ZNF426: variants seen among roughly 807,000 people sequenced by gnomAD.
ZNF426 encodes the protein zinc finger protein 426.
In ZNF426, 23 loss-of-function variants were observed where a neutral mutation model predicts 24.0. That is an observed-to-expected ratio of 0.96 (90% CI 0.69 to 1.36). ZNF426 has a LOEUF of 1.36. Ranked by LOEUF, ZNF426 falls within the 40% of genes most tolerant of loss-of-function variation. The pLI is 0.00. For synonymous variants in ZNF426, 272 were observed against 224.6 expected (o/e 1.21, Z -1.89); for missense variants, 646 against 658.4 (o/e 0.98, Z 0.21).
rs1298215386 is a variant in ZNF426, at chr19:9,527,881, C to T, written c.*499G>A. The stretch of plus-strand genomic sequence containing the variant: ...AGATGGCCATCATCTGATGACTTCA[C>T]ATCATCTTCTATTTGTTGTCTCAGT... On this transcript the variant is annotated 3_prime_UTR_variant, in exon 8 of 8. Transcript: ENST00000253115. 2 of 153,008 alleles carry T rather than the reference C, an allele frequency of 1.3e-5. No individual in the cohort carries two copies. The highest frequency in any genetic ancestry group is 2.9e-5 in the Non-Finnish European group (2 of 68,700). 9.5% of individuals were successfully genotyped at this position (153,008 alleles called of 1,614,324 possible).
chr19:9,535,271 G>A lies in ZNF426; in HGVS notation c.34C>T (p.Leu12Phe), dbSNP rs1568487243. 2.5e-6 allele frequency: 4 copies of A among 1,612,682 alleles called. 1 individual carries two copies. Among genetic ancestry groups the A allele is most frequent in the Admixed American group, 3.3e-5 (2 of 59,914 alleles). ...AAADLSHGHY[L>F]SGDPVCLHEE... ...TGAAGGCAAACTGGGTCCCCAGAAAGATAATGTCCTGTAAGAAAATGAAGG... is the reference window on the plus strand; with the variant it reads ...TGAAGGCAAACTGGGTCCCCAGAAAAATAATGTCCTGTAAGAAAATGAAGG... Residue 12 changes from leucine (L) to phenylalanine (F), a missense_variant, in exon 4 of 8, where the codon CTT (leucine) becomes TTT (phenylalanine). Physicochemically the swap from Leu to Phe is conservative, Grantham distance 22. Coordinates refer to ENST00000253115, the MANE Select transcript of ZNF426 (RefSeq NM_024106.3).
chr19:9,531,006 C>G lies in ZNF426; in HGVS notation c.387G>C (p.Gln129His), dbSNP rs888182289. Residue 129 changes from glutamine (Q) to histidine (H), a missense_variant, in exon 7 of 8, where the codon CAG (glutamine) becomes CAC (histidine). Physicochemically the swap from Gln to His is conservative, Grantham distance 24. Coordinates refer to ENST00000253115, the MANE Select transcript of ZNF426 (RefSeq NM_024106.3). ...SILQQDFLRG[Q>H]TSIGIQLEGK... ...TTACCAATTGTATCCCAATGGATGT[C>G]TGACCCCTCAAAAAGTCCTGCTGAA... is the stretch of plus-strand genomic sequence containing the variant. 7.4e-6 allele frequency: 12 copies of G among 1,613,696 alleles called. No individual in the cohort carries two copies. The highest frequency in any genetic ancestry group is 1.6e-4 in the Middle Eastern group (1 of 6,084).
At chr19:9,534,033 G>C (rs2073928171) in intron 4 of ZNF426, 67 bp from the exon 5 acceptor site, 1 of 1,578,048 alleles carries the variant, frequency 6.3e-7, no homozygotes, top group African/African-American at 1.4e-5. Flanking sequence ...TGGAGGATGA[G>C]GAAGGGGGAC....
chr19:9,535,506 G>A (rs117941157), intron 3 of ZNF426, among the ~76,000 whole-genome samples: 219 of 152,024 alleles, frequency 1.4e-3, no homozygotes, highest in African/African-American at 4.2e-3. Context: ...TGGGCAACAC[G>A]GTGAGACCCC....
chr19:9,534,036 A>AGG, intron 4 of ZNF426, 70 bp from the exon 5 acceptor site: 1 of 1,574,492 alleles, frequency 6.4e-7, no homozygotes, highest in Non-Finnish European at 8.6e-7. Flanking sequence ...AGGATGAGGA[A>AGG]GGGGGACCCA....
rs1390646663 is a variant in ZNF426 at position 9,529,571 on chromosome 19, G to A, written c.474C>T (p.His158=). The part of the protein sequence containing the change: ...CEQCGEVFSE[H]SCLKTHVRTQ... Reference sequence around the variant, plus strand: ...TTCTCACGTGCGTCTTAAGGCATGAGTGTTCACTGAAGACTTCTCCACATT... The same window carrying A: ...TTCTCACGTGCGTCTTAAGGCATGAATGTTCACTGAAGACTTCTCCACATT... Residue 158 remains histidine (H), a synonymous_variant, in exon 8 of 8, where the codon CAC becomes CAT. Coordinates refer to ENST00000253115, the MANE Select transcript of ZNF426 (RefSeq NM_024106.3). The A allele has an allele frequency of 1.2e-6, 2 of 1,608,748 alleles. No individual in the cohort carries two copies. Among genetic ancestry groups the A allele is most frequent in the African/African-American group, 2.7e-5 (2 of 75,042 alleles).
rs1278002826 is a variant in ZNF426 at position 9,523,599 on chromosome 19, CCTAA to C, written c.*4777_*4780del. ...GTGACATAATCTAAATCAGTGGTCC[CCTAA>C]CTTTTTGGCACCAGGGACCAGTTTC... On this transcript the variant is annotated 3_prime_UTR_variant, in exon 8 of 8. Transcript: ENST00000253115. The C allele has an allele frequency of 1.3e-5, 2 of 152,166 alleles. No homozygotes were observed. The highest frequency in any genetic ancestry group is 6.6e-5 in the Admixed American group (1 of 15,260). 9.4% of individuals were successfully genotyped at this position (152,166 alleles called of 1,614,324 possible). A position where few individuals can be genotyped will look rare whatever the true frequency, so the allele number is the denominator to read the frequency against.
rs1161122048 is a variant in ZNF426, at chr19:9,533,826, G to A, written c.244+14C>T. Reference sequence around the variant, plus strand: ...AGTTCCATAGAAGGCTGCAAGGGATGAGGCCAGTCTTACCTACTGTGGCCA... The same window carrying A: ...AGTTCCATAGAAGGCTGCAAGGGATAAGGCCAGTCTTACCTACTGTGGCCA... On this transcript the variant is annotated intron_variant, in intron 5 of 7. Coordinates refer to ENST00000253115, the MANE Select transcript of ZNF426 (RefSeq NM_024106.3). 40 of 1,613,766 alleles carry A rather than the reference G, an allele frequency of 2.5e-5. No individual in the cohort carries two copies. The Admixed American group carries it at 6.7e-4, about 27-fold the overall frequency.
At position 9,525,505 on chromosome 19, in the gene ZNF426, G is replaced by C. The variant is rs141571992; in HGVS notation, c.*2875C>G. The stretch of plus-strand genomic sequence containing the variant: ...TTGTTGTTGTTGTTGTTGTTGTTTT[G>C]AGACAGAGTCTCACTCTGTCACCCA... On this transcript the variant is annotated 3_prime_UTR_variant, in exon 8 of 8. Transcript: ENST00000253115. 4,203 of 152,064 alleles carry C rather than the reference G, an allele frequency of 0.028. 87 individuals carry two copies. Among genetic ancestry groups the C allele is most frequent in the Non-Finnish European group, 0.043 (2,922 of 68,370 alleles). The allele number at this position is 152,064 out of a possible 1,614,324, so 9.4% of individuals were successfully genotyped here.
rs7351067 is a variant in ZNF426, at chr19:9,528,593, G to C, written c.1452C>G (p.Ala484=). Residue 484 remains alanine (A), a synonymous_variant, in exon 8 of 8, where the codon GCC becomes GCG. Coordinates refer to ENST00000253115, the MANE Select transcript of ZNF426 (RefSeq NM_024106.3). ...KPYECKQCGK[A]FSHSSSFQIH... ...TTTGAAATGAACTGGAATGACTGAA[G>C]GCCTTTCCACATTGTTTACACTCAT... is the stretch of plus-strand genomic sequence containing the variant. 1 of 1,614,050 alleles carries C rather than the reference G, an allele frequency of 6.2e-7. No homozygotes were observed. The highest frequency in any genetic ancestry group is 8.5e-7 in the Non-Finnish European group (1 of 1,180,014).
Position 9,528,679 on chromosome 19 carries a change from C to A in ZNF426, c.1366G>T (p.Ala456Ser). ...TTAAGGTGGGTGGAATAGTTAAAAG[C>A]CTTCCCACATTCCTTACAGGTGTAT... Reference protein sequence around the residue: ...KPYTCKECGKAFNYSTHLKIH... With the variant: ...KPYTCKECGKSFNYSTHLKIH... Residue 456 changes from alanine to serine, a missense_variant, in exon 8 of 8, where the codon GCT becomes TCT. By Grantham distance (99) the Ala-to-Ser change is moderately conservative (BLOSUM62 1). Coordinates refer to ENST00000253115, the MANE Select transcript of ZNF426 (RefSeq NM_024106.3). 5 of 1,614,140 alleles carry A rather than the reference C, an allele frequency of 3.1e-6. No individual in the cohort carries two copies. The highest frequency in any genetic ancestry group is 4.2e-6 in the Non-Finnish European group (5 of 1,180,018).
chr19:9,525,065 C>G lies in ZNF426; in HGVS notation c.*3315G>C, dbSNP rs997079333. On this transcript the variant is annotated 3_prime_UTR_variant, in exon 8 of 8. Transcript: ENST00000253115. ...GAGATCGAGACCATCCTGGCTAACA[C>G]AGTGAAACCCCGTCTCTACTAAAAA... 10 of 151,006 alleles carry G rather than the reference C, an allele frequency of 6.6e-5. No homozygotes were observed. Among genetic ancestry groups the G allele is most frequent in the African/African-American group, 2.4e-4 (10 of 41,174 alleles). The allele number at this position is 151,006 out of a possible 1,614,324, so 9.4% of individuals were successfully genotyped here.
At chr19:9,537,125 G>C (rs2144780770) in intron 2 of ZNF426, among the ~76,000 whole-genome samples, 1 of 147,866 alleles carries the variant, frequency 6.8e-6, no homozygotes, top group East Asian at 1.9e-4. Flanking sequence ...GCAAGACTCT[G>C]TCTCAAAAAA....
At chr19:9,534,799 T>C (rs2073940370) in intron 4 of ZNF426, among the ~76,000 whole-genome samples, 1 of 151,918 alleles carries the variant, frequency 6.6e-6, no homozygotes, top group Non-Finnish European at 1.5e-5. Flanking sequence ...CTCACTATGT[T>C]GCTCAGGCTG....
At position 9,529,058 on chromosome 19, in the gene ZNF426, A is replaced by G; in HGVS notation, c.987T>C (p.Thr329=). Residue 329 remains threonine (T), a synonymous_variant, in exon 8 of 8, where the codon ACT becomes ACC. Transcript: ENST00000253115. The part of the protein sequence containing the change: ...YSNSFQIHGR[T]HTGEKPYVCK... The stretch of plus-strand genomic sequence containing the variant: ...ATACATAGGGTTTCTCTCCAGTGTG[A>G]GTTCTTCCATGTATCTGAAATGAGT... 6.2e-7 allele frequency: 1 copy of G among 1,613,506 alleles called. No individual in the cohort carries two copies. Among genetic ancestry groups the G allele is most frequent in the Non-Finnish European group, 8.5e-7 (1 of 1,179,738 alleles).
rs571543755 is a variant in ZNF426 at position 9,524,743 on chromosome 19, T to C, written c.*3637A>G. On this transcript the variant is annotated 3_prime_UTR_variant, in exon 8 of 8. Coordinates refer to ENST00000253115, the MANE Select transcript of ZNF426 (RefSeq NM_024106.3). ...TTGTAGTGAGCCAAGATTGAGCCAT[T>C]GCACTCCAGCCTGGGCAACAAGAGC... 1.5e-5 allele frequency: 2 copies of C among 129,760 alleles called. No individual in the cohort carries two copies. The highest frequency in any genetic ancestry group is 3.1e-5 in the Non-Finnish European group (2 of 64,544). 8.0% of individuals were successfully genotyped at this position (129,760 alleles called of 1,614,324 possible).
At chr19:9,535,656 T>C (rs1319328819) in intron 3 of ZNF426, among the ~76,000 whole-genome samples, 1 of 149,366 alleles carries the variant, frequency 6.7e-6, no homozygotes, top group East Asian at 1.9e-4. Flanking sequence ...GAACATAAAC[T>C]CCCCATCTCT....
Position 9,527,718 on chromosome 19 carries a change from C to A in ZNF426, c.*662G>T, listed in dbSNP as rs2073811221. The A allele has an allele frequency of 2.6e-5, 4 of 152,174 alleles. No individual in the cohort carries two copies. Among genetic ancestry groups the A allele is most frequent in the Admixed American group, 2.0e-4 (3 of 15,264 alleles). The allele number at this position is 152,174 out of a possible 1,614,324, so 9.4% of individuals were successfully genotyped here. ...CTGTATTCACTTGCTAGAGCCACCA[C>A]AACAAAATACCACAGACTGGGTGGC... On this transcript the variant is annotated 3_prime_UTR_variant, in exon 8 of 8. Transcript: ENST00000253115.
rs1157733292 is a variant in ZNF426 at position 9,538,275 on chromosome 19, C to T, written c.-141G>A. ...AGTGCTCACCGGAACACTCAGAAATCGCCAGGTCCCTGAACCGGGAAGATC... is the reference window on the plus strand; with the variant it reads ...AGTGCTCACCGGAACACTCAGAAATTGCCAGGTCCCTGAACCGGGAAGATC... On this transcript the variant is annotated 5_prime_UTR_variant, in exon 2 of 8. Coordinates refer to ENST00000253115, the MANE Select transcript of ZNF426 (RefSeq NM_024106.3). 6.6e-6 allele frequency: 1 copy of T among 152,190 alleles called. No homozygotes were observed. The highest frequency in any genetic ancestry group is 1.9e-4 in the East Asian group (1 of 5,188). The allele number at this position is 152,190 out of a possible 1,614,324, so 9.4% of individuals were successfully genotyped here. A position where few individuals can be genotyped will look rare whatever the true frequency, so the allele number is the denominator to read the frequency against.
Sources: allele counts gnomAD v4.1 joint callset (sites outside exome capture counted in the v4.1 genomes callset), GRCh38; gene constraint gnomAD v4.1.1; transcripts MANE v1.5; gene names NCBI Gene and HGNC (gene_info 2026-07-23, HGNC 2026-07-21).